Variants in FGF4 observed in about 807,000 individuals in gnomAD.
The protein encoded by FGF4 is heparin secretory transforming protein 1.
Under a neutral mutation model 15.7 loss-of-function variants are expected in FGF4, and 9 were observed. That is an observed-to-expected ratio of 0.57 (90% CI 0.35 to 1.00). The LOEUF is 1.00. Ranked by LOEUF, FGF4 falls within the 50% of genes least tolerant of loss-of-function variation. The pLI is 0.02. For synonymous variants in FGF4, 164 were observed against 144.8 expected (o/e 1.13, Z -0.95); for missense variants, 286 against 297.3 (o/e 0.96, Z 0.28).
intron 1 of FGF4, 100 bp downstream of exon 1, chr11:69,774,645 A>C: frequency 9.9e-6 from 9 of 907,246 alleles, no homozygotes; most frequent in Admixed American, 4.4e-5. Context: ...GGGGCCCCCG[A>C]GCAGGTGCCC....
At position 69,774,945 on chromosome 11, in the gene FGF4, C is replaced by T; in HGVS notation, c.140G>A (p.Trp47Ter). 6.8e-7 allele frequency: 1 copy of T among 1,478,126 alleles called. No individual in the cohort carries two copies. Among genetic ancestry groups the T allele is most frequent in the Non-Finnish European group, 8.9e-7 (1 of 1,122,108 alleles). The allele number at this position is 1,478,126 out of a possible 1,614,324, so 91.6% of individuals were successfully genotyped here. The part of the protein sequence containing the change: ...GTLEAELERR[W>*]ESLVALSLAR... Reference sequence around the variant, plus strand: ...CAACGAGAGCGCCACCAGGCTCTCCCAGCGGCGCTCCAGCTCGGCCTCCAG... The same window carrying T: ...CAACGAGAGCGCCACCAGGCTCTCCTAGCGGCGCTCCAGCTCGGCCTCCAG... Residue 47 changes from tryptophan (W) to a stop codon, truncating the protein, a stop_gained, in exon 1 of 3, where the codon TGG (tryptophan) becomes TAG (stop). Coordinates refer to ENST00000168712, the MANE Select transcript of FGF4 (RefSeq NM_002007.4). LOFTEE classifies it high-confidence loss of function.
chr11:69,774,111 C>G lies in FGF4; in HGVS notation c.357G>C (p.Ser119=), dbSNP rs1855609603. ...TGCTCACCACGCCCCGCTCCACGGG[C>G]GAGAGCTCCAGCAGGCCTGGGGGCG... ...ADTRDSLLEL[S]PVERGVVSIF... is the part of the protein sequence containing the mutation. Residue 119 remains serine (S), a synonymous_variant, in exon 2 of 3, where the codon TCG becomes TCC. Transcript: ENST00000168712. 1.2e-6 allele frequency: 2 copies of G among 1,612,358 alleles called. No homozygotes were observed. The highest frequency in any genetic ancestry group is 8.5e-7 in the Non-Finnish European group (1 of 1,179,810).
In FGF4 at chr11:69,773,353, C is replaced by T; in HGVS notation, c.577G>A (p.Val193Met). Residue 193 changes from valine (V) to methionine (M), a missense_variant, in exon 3 of 3, where the codon GTG becomes ATG. Val to Met is a conservative substitution (Grantham distance 21). Coordinates refer to ENST00000168712, the MANE Select transcript of FGF4 (RefSeq NM_002007.4). ...TGGGTGACCTTCATGGTGGGCGACA[C>T]TCGGTTCCCCTTCTTGGTCTTCCCA... ...KNGKTKKGNR[V>M]SPTMKVTHFL... 6.2e-7 allele frequency: 1 copy of T among 1,614,176 alleles called. No homozygotes were observed. Among genetic ancestry groups the T allele is most frequent in the Non-Finnish European group, 8.5e-7 (1 of 1,180,024 alleles).
rs1855577292 is a variant in FGF4, at chr11:69,772,051, A to G, written c.*1258T>C. On this transcript the variant is annotated 3_prime_UTR_variant, in exon 3 of 3. Coordinates refer to ENST00000168712, the MANE Select transcript of FGF4 (RefSeq NM_002007.4). ...TAGTGTACTGTAACAGCTGTCTGCA[A>G]ATATTTTCACCATGATCACCCTTAC... The G allele has an allele frequency of 6.6e-6, 1 of 152,218 alleles. No individual in the cohort carries two copies. Among genetic ancestry groups the G allele is most frequent in the African/African-American group, 2.4e-5 (1 of 41,454 alleles). 9.4% of individuals were successfully genotyped at this position (152,218 alleles called of 1,614,324 possible).
chr11:69,772,945 C>G lies in FGF4; in HGVS notation c.*364G>C. On this transcript the variant is annotated 3_prime_UTR_variant, in exon 3 of 3. Coordinates refer to ENST00000168712, the MANE Select transcript of FGF4 (RefSeq NM_002007.4). Reference sequence around the variant, plus strand: ...GGCCTTTCCAGACAGAGATGCTCCACGCCATACTACAGGGGATGACATCGG... The same window carrying G: ...GGCCTTTCCAGACAGAGATGCTCCAGGCCATACTACAGGGGATGACATCGG... 4.2e-6 allele frequency: 1 copy of G among 236,448 alleles called. No individual in the cohort carries two copies. The highest frequency in any genetic ancestry group is 9.6e-5 in the South Asian group (1 of 10,408). 14.6% of individuals were successfully genotyped at this position (236,448 alleles called of 1,614,324 possible). A position where few individuals can be genotyped will look rare whatever the true frequency, so the allele number is the denominator to read the frequency against.
At chr11:69,773,971 G>A in intron 2 of FGF4, 53 bp downstream of exon 2, 1 of 1,444,106 alleles carries the variant, frequency 6.9e-7, no homozygotes. Context: ...GAGCCTGCTA[G>A]CCATGTCCGC....
At position 69,775,088 on chromosome 11, in the gene FGF4, G is replaced by A. The variant is rs1476469790; in HGVS notation, c.-4C>T. On this transcript the variant is annotated 5_prime_UTR_variant, in exon 1 of 3. Transcript: ENST00000168712. ...CGGCCGTCCCGGGCCCCGACATCCC[G>A]GCCCGAGGGCCGTGCGTCGGTCAGG... 7.6e-7 allele frequency: 1 copy of A among 1,318,160 alleles called. No individual in the cohort carries two copies. Among genetic ancestry groups the A allele is most frequent in the African/African-American group, 1.5e-5 (1 of 64,610 alleles). The allele number at this position is 1,318,160 out of a possible 1,614,324, so 81.7% of individuals were successfully genotyped here. A position where few individuals can be genotyped will look rare whatever the true frequency, so the allele number is the denominator to read the frequency against.
In FGF4 at chr11:69,775,010, G is replaced by T; in HGVS notation, c.75C>A (p.Gly25=). The T allele has an allele frequency of 6.9e-7, 1 of 1,444,082 alleles. No individual in the cohort carries two copies. Among genetic ancestry groups the T allele is most frequent in the South Asian group, 1.4e-5 (1 of 73,390 alleles). 89.5% of individuals were successfully genotyped at this position (1,444,082 alleles called of 1,614,324 possible). A position where few individuals can be genotyped will look rare whatever the true frequency, so the allele number is the denominator to read the frequency against. The change falls in exon 1 of 3, where the codon GGC becomes GGA. Residue 25 remains glycine, a synonymous_variant. Transcript: ENST00000168712. ...VLLALLAPWA[G]RGGAAAPTAP... ...CAGTGGGTGCGGCGGCGCCCCCTCGGCCCGCCCAGGGCGCCAGCAAGGCCA... is the reference window on the plus strand; with the variant it reads ...CAGTGGGTGCGGCGGCGCCCCCTCGTCCCGCCCAGGGCGCCAGCAAGGCCA...
At chr11:69,773,915 T>G (rs1270327448) in intron 2 of FGF4, 109 bp downstream of exon 2, 9 of 869,188 alleles carry the variant, frequency 1.0e-5, no homozygotes, top group Admixed American at 2.6e-5. Context: ...CTGGTGACCC[T>G]GCCACCCCTC....
At position 69,775,047 on chromosome 11, in the gene FGF4, G is replaced by A; in HGVS notation, c.38C>T (p.Pro13Leu). Residue 13 changes from proline (P) to leucine (L), a missense_variant, in exon 1 of 3, where the codon CCG becomes CTG. Transcript: ENST00000168712. ...GPGTAAVALL[P>L]AVLLALLAPW... ...CGCCAGCAAGGCCAGCAGGACCGCC[G>A]GGAGCAGCGCTACCGCGGCCGTCCC... The A allele has an allele frequency of 7.2e-7, 1 of 1,397,736 alleles. No homozygotes were observed. The highest frequency in any genetic ancestry group is 1.6e-5 in the South Asian group (1 of 64,088). The allele number at this position is 1,397,736 out of a possible 1,614,324, so 86.6% of individuals were successfully genotyped here.
Position 69,775,098 on chromosome 11 carries a change from C to T in FGF4, c.-14G>A. 1 of 1,305,582 alleles carries T rather than the reference C, an allele frequency of 7.7e-7. No individual in the cohort carries two copies. 80.9% of individuals were successfully genotyped at this position (1,305,582 alleles called of 1,614,324 possible). On this transcript the variant is annotated 5_prime_UTR_variant, in exon 1 of 3. Coordinates refer to ENST00000168712, the MANE Select transcript of FGF4 (RefSeq NM_002007.4). ...GGGCCCCGACATCCCGGCCCGAGGGCCGTGCGTCGGTCAGGCGGTCAGTGC... is the reference window on the plus strand; with the variant it reads ...GGGCCCCGACATCCCGGCCCGAGGGTCGTGCGTCGGTCAGGCGGTCAGTGC...
chr11:69,774,278 G>A, intron 1 of FGF4, 151 bp from the exon 2 acceptor site: 2 of 640,174 alleles, frequency 3.1e-6, no homozygotes, highest in East Asian at 2.7e-5. Context: ...GGCCTCCAGA[G>A]CCCAAGCTGC....
chr11:69,775,008 C>T lies in FGF4; in HGVS notation c.77G>A (p.Arg26Gln), dbSNP rs747109892. ...TGCAGTGGGTGCGGCGGCGCCCCCT[C>T]GGCCCGCCCAGGGCGCCAGCAAGGC... The part of the protein sequence containing the change: ...LLALLAPWAG[R>Q]GGAAAPTAPN... Residue 26 changes from arginine (R) to glutamine (Q), a missense_variant, in exon 1 of 3, where the codon CGA (arginine) becomes CAA (glutamine). Physicochemically the swap from Arg to Gln is conservative, Grantham distance 43. Transcript: ENST00000168712. The T allele has an allele frequency of 9.0e-6, 13 of 1,445,194 alleles. No individual in the cohort carries two copies. The highest frequency in any genetic ancestry group is 1.1e-5 in the Non-Finnish European group (12 of 1,105,778). The allele number at this position is 1,445,194 out of a possible 1,614,324, so 89.5% of individuals were successfully genotyped here.
In FGF4 at chr11:69,772,895, G is replaced by A. The variant is rs556350237; in HGVS notation, c.*414C>T. The A allele has an allele frequency of 9.3e-5, 19 of 203,794 alleles. No individual in the cohort carries two copies. The South Asian group carries it at 2.5e-3, about 27-fold the overall frequency. The allele number at this position is 203,794 out of a possible 1,614,324, so 12.6% of individuals were successfully genotyped here. Reference sequence around the variant, plus strand: ...CGAGAGCCAAGCCTGGGAGCTCCCTGAACTGGCTGCCCAAGCCTCAGGCGG... The same window carrying A: ...CGAGAGCCAAGCCTGGGAGCTCCCTAAACTGGCTGCCCAAGCCTCAGGCGG... On this transcript the variant is annotated 3_prime_UTR_variant, in exon 3 of 3. Transcript: ENST00000168712.
chr11:69,773,043 T>C lies in FGF4; in HGVS notation c.*266A>G. Reference sequence around the variant, plus strand: ...GACAACTTTTGACAAGTTAAAGAAATCCAATGGTAAGATTCTCCACTGTTG... The same window carrying C: ...GACAACTTTTGACAAGTTAAAGAAACCCAATGGTAAGATTCTCCACTGTTG... On this transcript the variant is annotated 3_prime_UTR_variant, in exon 3 of 3. Coordinates refer to ENST00000168712, the MANE Select transcript of FGF4 (RefSeq NM_002007.4). 1 of 405,626 alleles carries C rather than the reference T, an allele frequency of 2.5e-6. No homozygotes were observed. The highest frequency in any genetic ancestry group is 4.4e-6 in the Non-Finnish European group (1 of 226,504). 25.1% of individuals were successfully genotyped at this position (405,626 alleles called of 1,614,324 possible).
At chr11:69,774,348 G>T (rs990809494) in intron 1 of FGF4, among the ~76,000 whole-genome samples, 23 of 152,286 alleles carry the variant, frequency 1.5e-4, no homozygotes, top group African/African-American at 5.5e-4. Context: ...CTGTGTAGGG[G>T]ACCCCCGGCG....
In FGF4 at chr11:69,774,023, C is replaced by G; in HGVS notation, c.444+1G>C. ...CCTAGCCAGACCCCTGCGGTACTCA[C>G]CGAGCCATAGAGCTTGCCCTTGCTG... is the stretch of plus-strand genomic sequence containing the variant. On this transcript the variant is annotated splice_donor_variant, in intron 2 of 2. Coordinates refer to ENST00000168712, the MANE Select transcript of FGF4 (RefSeq NM_002007.4). LOFTEE classifies it high-confidence loss of function. 6.2e-7 allele frequency: 1 copy of G among 1,611,392 alleles called. No homozygotes were observed. The highest frequency in any genetic ancestry group is 8.5e-7 in the Non-Finnish European group (1 of 1,179,112).
rs562416041 is a variant in FGF4, at chr11:69,773,230, G to A, written c.*79C>T. On this transcript the variant is annotated 3_prime_UTR_variant, in exon 3 of 3. Transcript: ENST00000168712. ...TACTCTTGCATTAAACTCTTCATCC[G>A]AAGAAAGTGCACCAAGGTGACCCTC... 20 of 1,221,430 alleles carry A rather than the reference G, an allele frequency of 1.6e-5. No individual in the cohort carries two copies. In the Admixed American group the frequency reaches 2.2e-4, roughly 13 times the overall value. 75.7% of individuals were successfully genotyped at this position (1,221,430 alleles called of 1,614,324 possible). A position where few individuals can be genotyped will look rare whatever the true frequency, so the allele number is the denominator to read the frequency against.
chr11:69,775,202 A>C lies in FGF4; in HGVS notation c.-118T>G. The C allele has an allele frequency of 7.0e-5, 44 of 632,678 alleles. No individual in the cohort carries two copies. Among genetic ancestry groups the C allele is most frequent in the Non-Finnish European group, 9.5e-5 (42 of 441,540 alleles). 39.2% of individuals were successfully genotyped at this position (632,678 alleles called of 1,614,324 possible). A position where few individuals can be genotyped will look rare whatever the true frequency, so the allele number is the denominator to read the frequency against. ...GGCCGACCTCGGGCAGGAGTGCGCA[A>C]CCGAGGAGGTGCGGGAGGCAAGCGA... On this transcript the variant is annotated 5_prime_UTR_variant, in exon 1 of 3. Transcript: ENST00000168712.
Sources: gnomAD v4.1 joint callset for allele counts (sites outside exome capture counted in the v4.1 genomes callset) on GRCh38, gnomAD v4.1.1 for gene constraint, MANE v1.5 for transcripts, NCBI Gene and HGNC (gene_info 2026-07-23, HGNC 2026-07-21) for gene names.